The following EFHD1 variants were observed in gnomAD, a reference collection of about 807,000 sequenced individuals.
EFHD1 encodes EF-hand domain-containing protein D1.
A neutral mutation model predicts 17.2 loss-of-function variants in EFHD1; 10 were observed. The ratio of observed to expected loss-of-function variants is 0.58; its 90% CI spans 0.36 to 0.99. EFHD1 has a LOEUF of 0.99. Ranked by LOEUF, EFHD1 falls within the 50% of genes least tolerant of loss-of-function variation. The pLI is 0.01. For synonymous variants in EFHD1, 153 were observed against 142.0 expected (o/e 1.08, Z -0.55); for missense variants, 310 against 327.5 (o/e 0.95, Z 0.41).
chr2:232,606,158 C>A (rs1173381035), exon 1 of EFHD1: 2 of 1,549,814 alleles, frequency 1.3e-6, no homozygotes, highest in East Asian at 4.9e-5. Flanking sequence ...CCCAGACATA[C>A]GATGGGAGAG....
At chr2:232,628,427 C>T (rs1694145657) in intron 1 of EFHD1, among the ~76,000 whole-genome samples, 1 of 152,160 alleles carries the variant, frequency 6.6e-6, no homozygotes, top group Non-Finnish European at 1.5e-5. Flanking sequence ...AATCAAAATC[C>T]TGAAATTTTG....
chr2:232,614,308 C>T (rs1296094180), intron 1 of EFHD1, among the ~76,000 whole-genome samples: 2 of 152,040 alleles, frequency 1.3e-5, no homozygotes, highest in Non-Finnish European at 2.9e-5. Context: ...GTGTGCCTGC[C>T]TCTCCTGCCT....
intron 1 of EFHD1, among the ~76,000 whole-genome samples, chr2:232,651,251 G>A (rs1002903762): frequency 6.6e-6 from 1 of 152,248 alleles, no homozygotes; most frequent in Non-Finnish European, 1.5e-5. Context: ...CAGGGGAGGG[G>A]TGCCAGGCGT....
chr2:232,633,885 C>G lies in EFHD1; in HGVS notation c.181C>G (p.Arg61Gly), dbSNP rs1475025124. Residue 61 changes from arginine to glycine, a missense_variant, in exon 1 of 4, where the codon CGG (arginine) becomes GGG (glycine). Coordinates refer to ENST00000264059, the MANE Select transcript of EFHD1 (RefSeq NM_025202.4). The part of the protein sequence containing the change: ...ADAELSAQLS[R>G]RLDINEGAAR... Reference sequence around the variant, plus strand: ...CGCGGAGCTGAGCGCCCAGCTGAGCCGGCGGCTGGACATCAACGAGGGCGC... The same window carrying G: ...CGCGGAGCTGAGCGCCCAGCTGAGCGGGCGGCTGGACATCAACGAGGGCGC... 1 of 1,548,098 alleles carries G rather than the reference C, an allele frequency of 6.5e-7. No homozygotes were observed. The highest frequency in any genetic ancestry group is 1.2e-5 in the South Asian group (1 of 86,432).
chr2:232,629,019 A>G (rs887959878), upstream of EFHD1, among the ~76,000 whole-genome samples: 4 of 152,208 alleles, frequency 2.6e-5, no homozygotes, highest in African/African-American at 7.2e-5. Context: ...TGAAGGGCCC[A>G]GCTGGAGCCG....
chr2:232,617,723 G>A (rs1378491196), intron 1 of EFHD1, among the ~76,000 whole-genome samples: 1 of 151,200 alleles, frequency 6.6e-6, no homozygotes, highest in African/African-American at 2.4e-5. Flanking sequence ...AGCACTTTGG[G>A]AGGCCAAGGC....
At chr2:232,648,677 G>T (rs1013401807) in intron 1 of EFHD1, among the ~76,000 whole-genome samples, 8 of 152,076 alleles carry the variant, frequency 5.3e-5, no homozygotes, top group Non-Finnish European at 1.2e-4. Context: ...GTGCCCAGGG[G>T]CTGTGGTGTG....
chr2:232,621,640 C>T (rs1285118453), intron 1 of EFHD1, among the ~76,000 whole-genome samples: 3 of 152,066 alleles, frequency 2.0e-5, no homozygotes, highest in South Asian at 2.1e-4. Flanking sequence ...TTAGTAGAGA[C>T]GGGGTTTCAC....
At position 232,682,644 on chromosome 2, in the gene EFHD1, T is replaced by C. The variant is rs1002127527; in HGVS notation, c.*925T>C. 1 of 152,224 alleles carries C rather than the reference T, an allele frequency of 6.6e-6. No homozygotes were observed. Among genetic ancestry groups the C allele is most frequent in the Non-Finnish European group, 1.5e-5 (1 of 68,040 alleles). 9.4% of individuals were successfully genotyped at this position (152,224 alleles called of 1,614,324 possible). On this transcript the variant is annotated 3_prime_UTR_variant, in exon 4 of 4. Coordinates refer to ENST00000264059, the MANE Select transcript of EFHD1 (RefSeq NM_025202.4). ...CAGCTGTAGATGTTCTTATCCCCCA[T>C]ACTTGTGAGTTCTTGGGGTTGCTCA...
Position 232,681,578 on chromosome 2 carries a change from T to G in EFHD1, c.586-7T>G, listed in dbSNP as rs1252455370. 1.2e-6 allele frequency: 2 copies of G among 1,613,644 alleles called. No homozygotes were observed. The highest frequency in any genetic ancestry group is 1.3e-5 in the African/African-American group (1 of 74,938). On this transcript the variant is annotated splice_region_variant and splice_polypyrimidine_tract_variant and intron_variant, in intron 3 of 3. Transcript: ENST00000264059. ...TCGTTTGGTCTATGTCTGCTATTTC[T>G]CTGCAGGTCCAAGCCTTGTCATCGG... is the stretch of plus-strand genomic sequence containing the variant.
At chr2:232,679,587 A>G (rs1010990982) in intron 3 of EFHD1, among the ~76,000 whole-genome samples, 12 of 151,830 alleles carry the variant, frequency 7.9e-5, no homozygotes, top group Middle Eastern at 3.4e-3. Context: ...GGTGGCATGC[A>G]CCTATAGGCC....
At chr2:232,662,421 C>T (rs1454377707) in intron 1 of EFHD1, among the ~76,000 whole-genome samples, 4 of 152,100 alleles carry the variant, frequency 2.6e-5, no homozygotes, top group South Asian at 2.1e-4. Flanking sequence ...TCCCTGTGAA[C>T]GTGCTGGGCG....
chr2:232,661,284 ATC>A (rs1694863253), intron 1 of EFHD1, among the ~76,000 whole-genome samples: 1 of 152,072 alleles, frequency 6.6e-6, no homozygotes, highest in South Asian at 2.1e-4. Context: ...CTCAAGTTGA[ATC>A]TCTATCCATT....
chr2:232,676,788 G>T (rs1034559350), intron 3 of EFHD1, among the ~76,000 whole-genome samples: 1 of 152,166 alleles, frequency 6.6e-6, no homozygotes, highest in African/African-American at 2.4e-5. Context: ...AGAAGAAGGT[G>T]TAATCAGAGG....
chr2:232,656,129 G>T (rs911410287), intron 1 of EFHD1, among the ~76,000 whole-genome samples: 1 of 152,076 alleles, frequency 6.6e-6, no homozygotes, highest in Non-Finnish European at 1.5e-5. Context: ...AAGTCCATTC[G>T]TCTTCTTGGC....
In EFHD1 at chr2:232,606,289, G is replaced by C. The variant is rs79066912; in HGVS notation, c.14+116G>C. ...GCGGTAATTCCTGGCTTTCGCCACC[G>C]GAGGGCACTCCCGGCCCTCGCTTCC... On this transcript the variant is annotated intron_variant, in intron 1 of 3. Transcript: ENST00000409613. The C allele has an allele frequency of 3.2e-6, 4 of 1,267,648 alleles. No homozygotes were observed. The African/African-American group carries it at 4.4e-5, about 14-fold the overall frequency. The allele number at this position is 1,267,648 out of a possible 1,614,324, so 78.5% of individuals were successfully genotyped here.
intron 1 of EFHD1, among the ~76,000 whole-genome samples, chr2:232,640,298 A>T (rs1317337204): frequency 6.6e-6 from 1 of 152,080 alleles, no homozygotes; most frequent in African/African-American, 2.4e-5. Flanking sequence ...ATGGGGCTAC[A>T]TTATGTGTGG....
At chr2:232,677,081 A>G (rs76999109) in intron 3 of EFHD1, among the ~76,000 whole-genome samples, 7,002 of 151,914 alleles carry the variant, frequency 0.046, 293 homozygotes, top group East Asian at 0.22. Context: ...AATTCCATAA[A>G]AGTAAAAGTG....
chr2:232,637,338 C>G (rs1286627637), intron 1 of EFHD1, among the ~76,000 whole-genome samples: 2 of 147,112 alleles, frequency 1.4e-5, no homozygotes, highest in South Asian at 2.1e-4. Flanking sequence ...CTTCACATGG[C>G]CTTCCTTTTT....
Sources: allele counts gnomAD v4.1 joint callset (sites outside exome capture counted in the v4.1 genomes callset), GRCh38; gene constraint gnomAD v4.1.1; transcripts MANE v1.5; gene names NCBI Gene and HGNC (gene_info 2026-07-23, HGNC 2026-07-21).